Variants in PPP1R17 observed in about 807,000 individuals in gnomAD.
PPP1R17 encodes protein phosphatase 1 regulatory subunit 17, also known as G-substrate.
A neutral mutation model predicts 15.9 loss-of-function variants in PPP1R17; 12 were observed. The observed-to-expected ratio is 0.75, with a 90% confidence interval of 0.48 to 1.22. The LOEUF (loss-of-function observed/expected upper bound fraction) is 1.22. PPP1R17 is among the 50% of genes most tolerant of loss of function. PPP1R17 has a pLI of 0.00. For missense variants in PPP1R17, 211 were observed against 187.3 expected, an observed-to-expected ratio of 1.13 and a Z score of -0.74; for synonymous variants, 63 against 64.5, an observed-to-expected ratio of 0.98 and a Z score of 0.11.
At chr7:31,700,951 C>T (rs958290594) in intron 4 of PPP1R17, among the ~76,000 whole-genome samples, 5 of 152,188 alleles carry the variant, frequency 3.3e-5, no homozygotes, top group Middle Eastern at 3.2e-3. Context: ...CAATGTACCT[C>T]ATCACCCAAG....
intron 4 of PPP1R17, among the ~76,000 whole-genome samples, chr7:31,700,630 C>A (rs1221636255): frequency 6.6e-6 from 1 of 152,174 alleles, no homozygotes; most frequent in Non-Finnish European, 1.5e-5. Context: ...AAGATGCCAT[C>A]TAGGCCATTC....
At chr7:31,687,830 G>C (rs1000064606) in intron 1 of PPP1R17, among the ~76,000 whole-genome samples, 1 of 152,220 alleles carries the variant, frequency 6.6e-6, no homozygotes, top group African/African-American at 2.4e-5. Flanking sequence ...CACATAGGCT[G>C]TGGATACAAC....
intron 4 of PPP1R17, among the ~76,000 whole-genome samples, chr7:31,703,193 C>T (rs1436147179): frequency 6.6e-6 from 1 of 152,208 alleles, no homozygotes; most frequent in Non-Finnish European, 1.5e-5. Flanking sequence ...AATGTTAGTT[C>T]CTTCCATTCT....
chr7:31,704,620 G>A (rs761257076), intron 4 of PPP1R17, among the ~76,000 whole-genome samples: 5 of 152,166 alleles, frequency 3.3e-5, no homozygotes, highest in Non-Finnish European at 7.3e-5. Context: ...TGAAATATGC[G>A]GTAACAGAGG....
intron 4 of PPP1R17, among the ~76,000 whole-genome samples, chr7:31,704,883 G>T (rs1476406180): frequency 1.3e-5 from 2 of 152,082 alleles, no homozygotes; most frequent in Non-Finnish European, 2.9e-5. Flanking sequence ...GGTTAAACCA[G>T]ACCAGTGCTT....
chr7:31,697,508 G>C (rs1792645533), intron 4 of PPP1R17, among the ~76,000 whole-genome samples: 1 of 152,182 alleles, frequency 6.6e-6, no homozygotes, highest in South Asian at 2.1e-4. Context: ...CAAAATGAGA[G>C]ACAGAAAAAG....
At chr7:31,694,387 A>ACACACACACACACAC (rs1792484261) in intron 2 of PPP1R17, among the ~76,000 whole-genome samples, 2 of 141,596 alleles carry the variant, frequency 1.4e-5, no homozygotes, top group Non-Finnish European at 3.1e-5. Flanking sequence ...CTCTCTCTCA[A>ACACACACACACACAC]ACACACACAC....
chr7:31,705,941 A>C (rs950925619), intron 4 of PPP1R17, among the ~76,000 whole-genome samples: 6 of 145,254 alleles, frequency 4.1e-5, no homozygotes, highest in African/African-American at 1.5e-4. Context: ...TGGGGTGATC[A>C]GTCCAGAAAA....
At position 31,707,276 on chromosome 7, in the gene PPP1R17, CTATT is replaced by C. The variant is rs1442300516; in HGVS notation, c.464_467del (p.Ile155LysfsTer11). 6.2e-7 allele frequency: 1 copy of C among 1,613,268 alleles called. No homozygotes were observed. The highest frequency in any genetic ancestry group is 1.7e-5 in the Admixed American group (1 of 59,930). On this transcript the variant is annotated frameshift_variant, in exon 5 of 5. Coordinates refer to ENST00000342032, the MANE Select transcript of PPP1R17 (RefSeq NM_006658.5). LOFTEE classifies it high-confidence loss of function. Reference sequence around the variant, plus strand: ...GACGAAAAGGATGGTGACAAGATAGCTATTTAAAGATAGTTCCCCTGAGACCACT... The same window carrying C: ...GACGAAAAGGATGGTGACAAGATAGCTAAAGATAGTTCCCCTGAGACCACT...
In PPP1R17 at chr7:31,707,593, A is replaced by G. The variant is rs1225220219; in HGVS notation, c.*310A>G. 1 of 298,260 alleles carries G rather than the reference A, an allele frequency of 3.4e-6. No homozygotes were observed. Among genetic ancestry groups the G allele is most frequent in the Non-Finnish European group, 6.2e-6 (1 of 160,546 alleles). 18.5% of individuals were successfully genotyped at this position (298,260 alleles called of 1,614,324 possible). A position where few individuals can be genotyped will look rare whatever the true frequency, so the allele number is the denominator to read the frequency against. The stretch of plus-strand genomic sequence containing the variant: ...TTCGGTTTCTGCATCTTCTGGATCA[A>G]TTCACGGAACAGAGATCGTGGATTA... On this transcript the variant is annotated 3_prime_UTR_variant, in exon 5 of 5. Coordinates refer to ENST00000342032, the MANE Select transcript of PPP1R17 (RefSeq NM_006658.5).
intron 2 of PPP1R17, among the ~76,000 whole-genome samples, chr7:31,692,971 A>G (rs1792420782): frequency 6.6e-6 from 1 of 152,174 alleles, no homozygotes; most frequent in Non-Finnish European, 1.5e-5. Flanking sequence ...TTTATTGTCA[A>G]TCTGTTTCCT....
chr7:31,699,146 C>T (rs1056401333), intron 4 of PPP1R17, among the ~76,000 whole-genome samples: 2 of 152,138 alleles, frequency 1.3e-5, no homozygotes, highest in Non-Finnish European at 2.9e-5. Flanking sequence ...AAATTGGACA[C>T]CAGAAGATGA....
chr7:31,695,125 C>T (rs768505988), intron 2 of PPP1R17, among the ~76,000 whole-genome samples: 2 of 145,094 alleles, frequency 1.4e-5, no homozygotes, highest in South Asian at 2.2e-4. Flanking sequence ...AGAATGGAGG[C>T]GCGTTTAGCA....
At chr7:31,698,784 C>T (rs558553676) in intron 4 of PPP1R17, among the ~76,000 whole-genome samples, 3 of 152,244 alleles carry the variant, frequency 2.0e-5, no homozygotes, top group East Asian at 1.9e-4. Flanking sequence ...ATAGAAATTG[C>T]TTCTTTAGAT....
At chr7:31,690,495 G>T (rs1792296919) in intron 1 of PPP1R17, among the ~76,000 whole-genome samples, 3 of 152,222 alleles carry the variant, frequency 2.0e-5, no homozygotes, top group African/African-American at 7.2e-5. Context: ...AACTTGTGTG[G>T]AGAGGGGGCA....
At chr7:31,695,369 C>T in intron 2 of PPP1R17, 100 bp from the exon 3 acceptor site, 6 of 1,113,198 alleles carry the variant, frequency 5.4e-6, no homozygotes, top group Non-Finnish European at 7.6e-6. Context: ...GGCCAAATCA[C>T]CTCTGTCCTG....
rs1792236439 is a variant in PPP1R17 at position 31,689,292 on chromosome 7, C to CA, written c.-37+1989dup. 2.0e-5 allele frequency among the ~76,000 whole-genome samples: 3 copies of CA among 152,270 alleles called. No individual in the cohort carries two copies. In the South Asian group the frequency reaches 6.2e-4, roughly 32 times the overall value. ...TAGACACAGTTTATGAAAACACCCC[C>CA]AAATGTGAAGTATTAGACAACAAGC... On this transcript the variant is annotated intron_variant, in intron 1 of 4. Transcript: ENST00000342032.
intron 4 of PPP1R17, 53 bp downstream of exon 4, chr7:31,697,170 A>T: frequency 6.3e-7 from 1 of 1,590,396 alleles, no homozygotes; most frequent in African/African-American, 1.4e-5. Context: ...CAGGTCAAGA[A>T]CCTTACCATC....
chr7:31,701,913 A>C (rs1242543534), intron 4 of PPP1R17, among the ~76,000 whole-genome samples: 1 of 152,234 alleles, frequency 6.6e-6, no homozygotes, highest in East Asian at 1.9e-4. Flanking sequence ...TTTATGTGCA[A>C]TGGGAAACCA....
Sources: allele counts gnomAD v4.1 joint callset (sites outside exome capture counted in the v4.1 genomes callset), GRCh38; gene constraint gnomAD v4.1.1; transcripts MANE v1.5; gene names NCBI Gene and HGNC (gene_info 2026-07-23, HGNC 2026-07-21).